The following PRORP variants were observed in gnomAD, a reference collection of about 807,000 sequenced individuals.
PRORP encodes mitochondrial ribonuclease P catalytic subunit.
Under a neutral mutation model 59.4 loss-of-function variants are expected in PRORP, and 51 were observed. The observed-to-expected ratio is 0.86, with a 90% CI of 0.69 to 1.08. The LOEUF (loss-of-function observed/expected upper bound fraction) is 1.08. PRORP is among the 50% of genes least tolerant of loss of function. The pLI is 0.00. For missense variants in PRORP, 646 were observed against 690.3 expected (o/e 0.94, Z 0.72); for synonymous variants, 231 against 245.6 (o/e 0.94, Z 0.55).
chr14:35,150,126 G>A (rs890136892), intron 4 of PRORP, among the ~76,000 whole-genome samples: 6 of 152,172 alleles, frequency 3.9e-5, no homozygotes, highest in African/African-American at 1.2e-4. Context: ...GATTACAGGC[G>A]TGAGCCACCA....
chr14:35,227,443 CAAA>C (rs540951640), intron 5 of PRORP, among the ~76,000 whole-genome samples: 1 of 138,140 alleles, frequency 7.2e-6, no homozygotes, highest in Non-Finnish European at 1.6e-5. Context: ...GACTCTGTCT[CAAA>C]AAAAAAAAAG....
rs1221956821 is a variant in PRORP, at chr14:35,124,151, A to G, written c.906A>G (p.Leu302=). ...IKDDNYSNKL[L]DILSYLRNNQ... The stretch of plus-strand genomic sequence containing the variant: ...ATGATAACTATTCAAATAAACTACT[A>G]GATATTCTTTCATATCTAAGAAATA... Residue 302 remains leucine (L), a synonymous_variant, in exon 2 of 8, where the codon CTA becomes CTG. Coordinates refer to ENST00000534898, the MANE Select transcript of PRORP (RefSeq NM_014672.4). The G allele has an allele frequency of 4.4e-6, 7 of 1,606,960 alleles. No individual in the cohort carries two copies. The highest frequency in any genetic ancestry group is 3.3e-5 in the South Asian group (3 of 90,364).
At chr14:35,198,312 A>G (rs2049056973) in intron 5 of PRORP, among the ~76,000 whole-genome samples, 1 of 152,216 alleles carries the variant, frequency 6.6e-6, no homozygotes, top group Non-Finnish European at 1.5e-5. Context: ...CCATGTGGGC[A>G]CTCTGAGTAC....
At chr14:35,155,724 A>G (rs193282478) in intron 4 of PRORP, among the ~76,000 whole-genome samples, 59 of 151,938 alleles carry the variant, frequency 3.9e-4, no homozygotes, top group Non-Finnish European at 5.4e-4. Context: ...AACATATTAT[A>G]TATTCATTAT....
chr14:35,234,534 T>G (rs1434891575), intron 5 of PRORP, among the ~76,000 whole-genome samples: 3 of 152,210 alleles, frequency 2.0e-5, no homozygotes, highest in Non-Finnish European at 4.4e-5. Flanking sequence ...TTTGGATGTA[T>G]GCTAATCATA....
At chr14:35,251,937 G>A (rs368389733) in intron 5 of PRORP, among the ~76,000 whole-genome samples, 1 of 152,212 alleles carries the variant, frequency 6.6e-6, no homozygotes. Flanking sequence ...CACAGGTGCA[G>A]GCGGGAGGGT....
Position 35,273,602 on chromosome 14 carries a change from A to G in PRORP, c.*36A>G. The G allele has an allele frequency of 6.2e-7, 1 of 1,600,326 alleles. No homozygotes were observed. Among genetic ancestry groups the G allele is most frequent in the Non-Finnish European group, 8.5e-7 (1 of 1,173,532 alleles). The stretch of plus-strand genomic sequence containing the variant: ...CTCTATGCTAAGTTTGTGTTTGGGT[A>G]CCCTCTAGGTTGGCATCAGAGGCTC... On this transcript the variant is annotated 3_prime_UTR_variant, in exon 8 of 8. Coordinates refer to ENST00000534898, the MANE Select transcript of PRORP (RefSeq NM_014672.4).
intron 5 of PRORP, among the ~76,000 whole-genome samples, chr14:35,251,170 T>C (rs1300580936): frequency 6.6e-6 from 1 of 152,220 alleles, no homozygotes; most frequent in Admixed American, 6.5e-5. Context: ...GTTTCCAGTT[T>C]CATCCAGGTC....
At chr14:35,199,400 C>G (rs2049091162) in intron 5 of PRORP, among the ~76,000 whole-genome samples, 1 of 151,266 alleles carries the variant, frequency 6.6e-6, no homozygotes, top group Admixed American at 6.6e-5. Flanking sequence ...ACTCCACATT[C>G]ATGTTGAAAC....
chr14:35,262,615 A>G (rs1242539538), intron 5 of PRORP: 2 of 736,626 alleles, frequency 2.7e-6, no homozygotes, highest in African/African-American at 3.4e-5. Flanking sequence ...AAGAAAGAAA[A>G]GAGGCTCCAG....
intron 4 of PRORP, among the ~76,000 whole-genome samples, chr14:35,147,312 T>C (rs1595187468): frequency 2.6e-5 from 4 of 152,092 alleles, no homozygotes; most frequent in South Asian, 2.1e-4. Flanking sequence ...ATCAAAGTGG[T>C]GGTGTTTGTT....
intron 5 of PRORP, among the ~76,000 whole-genome samples, chr14:35,207,483 AG>A (rs2049323696): frequency 1.3e-5 from 2 of 152,340 alleles, no homozygotes; most frequent in East Asian, 3.9e-4. Flanking sequence ...TGTCTGTAAC[AG>A]GTCTTCTAAC....
chr14:35,202,744 C>G (rs142067750), intron 5 of PRORP, among the ~76,000 whole-genome samples: 1 of 152,156 alleles, frequency 6.6e-6, no homozygotes, highest in Non-Finnish European at 1.5e-5. Flanking sequence ...GTCCTTCCGC[C>G]TCAGCCTCCT....
intron 5 of PRORP, among the ~76,000 whole-genome samples, chr14:35,201,947 C>T (rs918995391): frequency 2.0e-5 from 3 of 149,110 alleles, no homozygotes; most frequent in East Asian, 2.0e-4. Flanking sequence ...CATGAGTCAC[C>T]GTGCCCCGCC....
intron 6 of PRORP, among the ~76,000 whole-genome samples, chr14:35,268,357 A>C (rs1439415028): frequency 6.6e-6 from 1 of 151,458 alleles, no homozygotes; most frequent in Non-Finnish European, 1.5e-5. Context: ...AAAAAAAAAA[A>C]AAAAAACAAC....
In PRORP at chr14:35,145,162, G is replaced by A. The variant is rs187091604; in HGVS notation, c.1167+17551G>A. 1.6e-4 allele frequency among the ~76,000 whole-genome samples: 23 copies of A among 143,914 alleles called. 4 individuals are homozygous for A. In the Admixed American group the frequency reaches 1.6e-3, roughly 10 times the overall value. 94.4% of individuals were successfully genotyped at this position (143,914 alleles called of 152,430 possible). A position where few individuals can be genotyped will look rare whatever the true frequency, so the allele number is the denominator to read the frequency against. ...ATTTTTTAATTTTTTGTAGAGATGGGGGATCTCACTTTGTTGCCTGGGCTT... is the reference window on the plus strand; with the variant it reads ...ATTTTTTAATTTTTTGTAGAGATGGAGGATCTCACTTTGTTGCCTGGGCTT... On this transcript the variant is annotated intron_variant, in intron 4 of 7. Transcript: ENST00000534898.
Position 35,150,448 on chromosome 14 carries a change from C to T in PRORP, c.1167+22837C>T, listed in dbSNP as rs144241044. Among the ~76,000 whole-genome samples, 8 of 152,172 alleles carry T rather than the reference C, an allele frequency of 5.3e-5. No homozygotes were observed. The East Asian group carries it at 1.2e-3, about 22-fold the overall frequency. On this transcript the variant is annotated intron_variant, in intron 4 of 7. Transcript: ENST00000534898. ...TAAAACAATTACCATTCAGGTATGTCGGTGCAAGAATTCTGGCCAAAAATG... is the reference window on the plus strand; with the variant it reads ...TAAAACAATTACCATTCAGGTATGTTGGTGCAAGAATTCTGGCCAAAAATG...
chr14:35,262,636 G>T lies in PRORP; in HGVS notation c.1276-4091G>T, dbSNP rs2050935291. The T allele has an allele frequency of 4.0e-6, 3 of 750,922 alleles. No homozygotes were observed. In the Admixed American group the frequency reaches 5.2e-5, roughly 13 times the overall value. The allele number at this position is 750,922 out of a possible 1,614,324, so 46.5% of individuals were successfully genotyped here. Reference sequence around the variant, plus strand: ...GAAAAGAGGCTCCAGGTTGATAAATGGTGGGGAAACTGAAAGGAACTGGCT... The same window carrying T: ...GAAAAGAGGCTCCAGGTTGATAAATTGTGGGGAAACTGAAAGGAACTGGCT... On this transcript the variant is annotated intron_variant, in intron 5 of 7. Transcript: ENST00000534898.
At chr14:35,245,560 G>A (rs1301272025) in intron 5 of PRORP, among the ~76,000 whole-genome samples, 3 of 152,136 alleles carry the variant, frequency 2.0e-5, no homozygotes, top group Admixed American at 6.5e-5. Flanking sequence ...AAGGAGGATC[G>A]CTTGAGTCCA....
Sources: gnomAD v4.1 joint callset for allele counts (sites outside exome capture counted in the v4.1 genomes callset) on GRCh38, gnomAD v4.1.1 for gene constraint, MANE v1.5 for transcripts, NCBI Gene and HGNC (gene_info 2026-07-23, HGNC 2026-07-21) for gene names.